Variants in MYEF2 observed in about 807,000 individuals in gnomAD.
The protein encoded by MYEF2 is myelin gene expression factor 2.
A neutral mutation model predicts 75.2 loss-of-function variants in MYEF2; 37 were observed. The observed-to-expected ratio is 0.49, with a 90% CI of 0.38 to 0.65. MYEF2 has a LOEUF of 0.65. Ranked by LOEUF, MYEF2 falls within the 30% of genes least tolerant of loss-of-function variation. The pLI, the probability that MYEF2 is intolerant of heterozygous loss-of-function variation, is 0.00. For missense variants in MYEF2, 634 were observed against 771.4 expected (o/e 0.82, Z 2.11); for synonymous variants, 195 against 241.6 (o/e 0.81, Z 1.79).
chr15:48,148,390 T>C (rs960859325), intron 16 of MYEF2, among the ~76,000 whole-genome samples: 2 of 152,046 alleles, frequency 1.3e-5, no homozygotes, highest in Admixed American at 6.6e-5. Context: ...AACCACCTAA[T>C]CTTCCACAGA....
rs922473383 is a variant in MYEF2 at position 48,142,715 on chromosome 15, G to A, written c.*193C>T. On this transcript the variant is annotated 3_prime_UTR_variant, in exon 17 of 17. Coordinates refer to ENST00000324324, the MANE Select transcript of MYEF2 (RefSeq NM_016132.5). ...TTTAAACTGAATGACCAGACTTGCT[G>A]TCTTTAAAAACCCAAACTTGAGATT... The A allele has an allele frequency of 3.7e-6, 2 of 542,842 alleles. No individual in the cohort carries two copies. Among genetic ancestry groups the A allele is most frequent in the Admixed American group, 3.9e-5 (1 of 25,668 alleles). 33.6% of individuals were successfully genotyped at this position (542,842 alleles called of 1,614,324 possible).
At chr15:48,164,598 T>C (rs976655815) in intron 5 of MYEF2, among the ~76,000 whole-genome samples, 7 of 152,154 alleles carry the variant, frequency 4.6e-5, no homozygotes, top group Non-Finnish European at 8.8e-5. Context: ...TCAAACAACA[T>C]CACATGCTTC....
intron 16 of MYEF2, 89 bp from the exon 17 acceptor site, chr15:48,143,160 ATAAT>A (rs755810849): frequency 1.4e-4 from 102 of 754,096 alleles, no homozygotes; most frequent in Non-Finnish European, 1.6e-4. Flanking sequence ...GCCAATTGTG[ATAAT>A]TAATTTGATT....
rs189069201 is a variant in MYEF2, at chr15:48,176,364, A to G, written c.161+1713T>C. 5.3e-5 allele frequency among the ~76,000 whole-genome samples: 8 copies of G among 152,296 alleles called. No homozygotes were observed. The East Asian group carries it at 1.5e-3, about 29-fold the overall frequency. ...TTGGACTCGATTCAACTTCTGGGAA[A>G]AAGAGAAAGGGAGAGGCGAATTATA... On this transcript the variant is annotated intron_variant, in intron 1 of 16. Coordinates refer to ENST00000324324, the MANE Select transcript of MYEF2 (RefSeq NM_016132.5).
In MYEF2 at chr15:48,138,977, A is replaced by C. The variant is rs187525777; in HGVS notation, c.*3931T>G. The stretch of plus-strand genomic sequence containing the variant: ...TACTTTTTCCACAACAGATCCACCA[A>C]GTGTTTTCAACATGCCTGAAGCAGA... On this transcript the variant is annotated 3_prime_UTR_variant, in exon 17 of 17. Transcript: ENST00000324324. The C allele has an allele frequency of 1.9e-6, 3 of 1,611,654 alleles. No homozygotes were observed. In the East Asian group the frequency reaches 6.7e-5, roughly 36 times the overall value.
intron 9 of MYEF2, among the ~76,000 whole-genome samples, chr15:48,156,691 CAG>C (rs1375700609): frequency 6.6e-6 from 1 of 151,370 alleles, no homozygotes; most frequent in Non-Finnish European, 1.5e-5. Context: ...ACCTAAAAAA[CAG>C]AAAAATGTAT....
In MYEF2 at chr15:48,138,762, C is replaced by T. The variant is rs950520563; in HGVS notation, c.*4146G>A. The T allele has an allele frequency of 1.6e-5, 8 of 515,890 alleles. No homozygotes were observed. The highest frequency in any genetic ancestry group is 3.3e-5 in the Admixed American group (1 of 29,914). The allele number at this position is 515,890 out of a possible 1,614,324, so 32.0% of individuals were successfully genotyped here. A position where few individuals can be genotyped will look rare whatever the true frequency, so the allele number is the denominator to read the frequency against. On this transcript the variant is annotated 3_prime_UTR_variant, in exon 17 of 17. Transcript: ENST00000324324. ...ATTTAAGGCCCCAAATAAAGAAATG[C>T]GGAGTATCACATCTTACATTGTCTG...
At position 48,134,893 on chromosome 15, in the gene MYEF2, C is replaced by T; in HGVS notation, c.*8015G>A. On this transcript the variant is annotated 3_prime_UTR_variant, in exon 17 of 17. Transcript: ENST00000324324. ...ACTTACCATATTACAGGTCTCAACA[C>T]TATCATGTTGGCCCCTATTCAGAGA... is the stretch of plus-strand genomic sequence containing the variant. The T allele has an allele frequency of 1.2e-6, 2 of 1,609,078 alleles. No homozygotes were observed. The highest frequency in any genetic ancestry group is 8.5e-7 in the Non-Finnish European group (1 of 1,176,582).
chr15:48,160,081 T>C (rs2039878017), intron 5 of MYEF2, among the ~76,000 whole-genome samples: 1 of 152,076 alleles, frequency 6.6e-6, no homozygotes. Flanking sequence ...CACACTAGGG[T>C]ACATGCATAC....
Position 48,142,401 on chromosome 15 carries a change from G to A in MYEF2, c.*507C>T. 2 of 1,242,204 alleles carry A rather than the reference G, an allele frequency of 1.6e-6. No homozygotes were observed. The highest frequency in any genetic ancestry group is 2.2e-6 in the Non-Finnish European group (2 of 912,106). 76.9% of individuals were successfully genotyped at this position (1,242,204 alleles called of 1,614,324 possible). On this transcript the variant is annotated 3_prime_UTR_variant, in exon 17 of 17. Coordinates refer to ENST00000324324, the MANE Select transcript of MYEF2 (RefSeq NM_016132.5). ...AATATGAATGGCAGGGAGGGGCAGA[G>A]AGAAAAATCCATTTCTTCATTTAAA...
At chr15:48,151,253 T>A in intron 13 of MYEF2, 82 bp from the exon 14 acceptor site, 3 of 1,242,046 alleles carry the variant, frequency 2.4e-6, no homozygotes, top group Non-Finnish European at 2.3e-6. Flanking sequence ...TGTGCTCTGA[T>A]TTACAATAAA....
intron 2 of MYEF2, 61 bp from the exon 3 acceptor site, chr15:48,167,462 G>T: frequency 6.7e-7 from 1 of 1,495,052 alleles, no homozygotes; most frequent in Non-Finnish European, 9.3e-7. Flanking sequence ...CCAGTATCTT[G>T]CTTTACTGCA....
At chr15:48,152,419 A>G (rs1246054862) in intron 10 of MYEF2, 135 bp from the exon 11 acceptor site, 30 of 719,600 alleles carry the variant, frequency 4.2e-5, no homozygotes, top group Non-Finnish European at 2.4e-6. Context: ...AGGGTACAGG[A>G]GGCATGGTTT....
In MYEF2 at chr15:48,134,688, T is replaced by A; in HGVS notation, c.*8220A>T. ...AAACAACATGTATTCAATTTAATGT[T>A]AATCCACAAATAGCTCTTGGTCAGA... On this transcript the variant is annotated 3_prime_UTR_variant, in exon 17 of 17. Coordinates refer to ENST00000324324, the MANE Select transcript of MYEF2 (RefSeq NM_016132.5). 1.4e-6 allele frequency: 1 copy of A among 719,582 alleles called. No individual in the cohort carries two copies. Among genetic ancestry groups the A allele is most frequent in the Middle Eastern group, 4.0e-4 (1 of 2,482 alleles). The allele number at this position is 719,582 out of a possible 1,614,324, so 44.6% of individuals were successfully genotyped here.
At position 48,134,787 on chromosome 15, in the gene MYEF2, ATT is replaced by A; in HGVS notation, c.*8119_*8120del. 5.0e-6 allele frequency: 5 copies of A among 993,418 alleles called. No homozygotes were observed. Among genetic ancestry groups the A allele is most frequent in the Non-Finnish European group, 7.4e-6 (5 of 671,886 alleles). 61.5% of individuals were successfully genotyped at this position (993,418 alleles called of 1,614,324 possible). ...TAAGCAATATGCAAAAGATAACAAT[ATT>A]TAACTACAAATATATAAACAATTTT... On this transcript the variant is annotated 3_prime_UTR_variant, in exon 17 of 17. Transcript: ENST00000324324.
In MYEF2 at chr15:48,142,087, C is replaced by T; in HGVS notation, c.*821G>A. The T allele has an allele frequency of 6.2e-7, 1 of 1,613,744 alleles. No homozygotes were observed. Among genetic ancestry groups the T allele is most frequent in the Non-Finnish European group, 8.5e-7 (1 of 1,179,840 alleles). On this transcript the variant is annotated 3_prime_UTR_variant, in exon 17 of 17. Coordinates refer to ENST00000324324, the MANE Select transcript of MYEF2 (RefSeq NM_016132.5). ...GATCCAATGTGTTTGATATGTTGTG[C>T]CTTGGTATTCCATGGTTTATTAAAA...
At chr15:48,176,379 G>C (rs2040519160) in intron 1 of MYEF2, among the ~76,000 whole-genome samples, 1 of 152,018 alleles carries the variant, frequency 6.6e-6, no homozygotes, top group South Asian at 2.1e-4. Flanking sequence ...GAAAGGGAGA[G>C]GCGAATTATA....
At chr15:48,155,677 A>T (rs1039865295) in intron 9 of MYEF2, among the ~76,000 whole-genome samples, 1 of 151,564 alleles carries the variant, frequency 6.6e-6, no homozygotes, top group Non-Finnish European at 1.5e-5. Context: ...CATTAAAATG[A>T]AAAAGTACAA....
intron 1 of MYEF2, among the ~76,000 whole-genome samples, chr15:48,174,020 T>A (rs938346761): frequency 3.3e-5 from 5 of 151,896 alleles, no homozygotes; most frequent in Admixed American, 3.3e-4. Flanking sequence ...CCATAAAAGA[T>A]CTCAAATGGC....
Sources: gnomAD v4.1 joint callset for allele counts (sites outside exome capture counted in the v4.1 genomes callset) on GRCh38, gnomAD v4.1.1 for gene constraint, MANE v1.5 for transcripts, NCBI Gene and HGNC (gene_info 2026-07-23, HGNC 2026-07-21) for gene names.